NCOR1: variants seen among roughly 807,000 people sequenced by gnomAD.
NCOR1 encodes the protein protein phosphatase 1, regulatory subunit 109.
In NCOR1, 63 loss-of-function variants were observed where a neutral mutation model predicts 288.1. That is an observed-to-expected ratio of 0.22 (90% CI 0.18 to 0.27). NCOR1 has a LOEUF of 0.27. Among genes scored for constraint, NCOR1 ranks in the 10% least tolerant of loss-of-function variants. The pLI is 1.00. For missense variants in NCOR1, 2,397 were observed against 3,019.2 expected (o/e 0.79, Z 4.83); for synonymous variants, 1,007 against 1,065.9 (o/e 0.94, Z 1.08).
At chr17:16,039,830 A>G (rs4792716) in intron 43 of NCOR1, 176 bp from the exon 44 acceptor site, 319,185 of 583,132 alleles carry the variant, frequency 0.55, 91,456 homozygotes, top group African/African-American at 0.72. Context: ...TCTCTGTCGC[A>G]CCCAGGCTGG....
intron 31 of NCOR1, among the ~76,000 whole-genome samples, chr17:16,069,178 TCAAA>T (rs1431355981): frequency 6.6e-6 from 1 of 152,144 alleles, no homozygotes; most frequent in African/African-American, 2.4e-5. Context: ...TTTACCACAA[TCAAA>T]CAAATCTGCC....
chr17:16,147,067 A>G (rs2078103875), intron 9 of NCOR1, among the ~76,000 whole-genome samples: 1 of 152,182 alleles, frequency 6.6e-6, no homozygotes, highest in African/African-American at 2.4e-5. Context: ...TATAACAAAC[A>G]TTTTGACAGT....
At chr17:16,050,207 C>T (rs550847173) in intron 40 of NCOR1, among the ~76,000 whole-genome samples, 14 of 151,882 alleles carry the variant, frequency 9.2e-5, no homozygotes, top group African/African-American at 2.7e-4. Context: ...ACAAGCACCT[C>T]GCCCCACCAC....
chr17:16,213,057 C>CA lies in NCOR1; in HGVS notation c.-71+2304dup, dbSNP rs34419344. ...GCCTGGGCAAAAGAGACCCTGTCTCCAAAAAAAAAAAAAAAAAGCTTTAAA... is the reference window on the plus strand; with the variant it reads ...GCCTGGGCAAAAGAGACCCTGTCTCCAAAAAAAAAAAAAAAAAAGCTTTAAA... On this transcript the variant is annotated intron_variant, in intron 1 of 45. Coordinates refer to ENST00000268712, the MANE Select transcript of NCOR1 (RefSeq NM_006311.4). Among the ~76,000 whole-genome samples, 679 of 114,798 alleles carry CA rather than the reference C, an allele frequency of 5.9e-3. 3 individuals carry two copies. The highest frequency in any genetic ancestry group is 0.015 in the African/African-American group (443 of 29,898). The allele number at this position is 114,798 out of a possible 152,430, so 75.3% of individuals were successfully genotyped here.
intron 14 of NCOR1, among the ~76,000 whole-genome samples, chr17:16,132,791 CTTTTTT>C (rs34110444): frequency 1.5e-5 from 2 of 130,092 alleles, no homozygotes; most frequent in African/African-American, 5.8e-5. Flanking sequence ...GCAAACTACA[CTTTTTT>C]TTTTTTTTTT....
chr17:16,030,530 C>CAAAT lies in NCOR1; in HGVS notation c.*1765_*1766insATTT. On this transcript the variant is annotated 3_prime_UTR_variant, in exon 46 of 46. Coordinates refer to ENST00000268712, the MANE Select transcript of NCOR1 (RefSeq NM_006311.4). ...TTCAGCAGAAAACTGTGAAGTGGAA[C>CAAAT]ATTTAGTCACTGTTTTTCATTCATT... The CAAAT allele has an allele frequency of 5.2e-6, 1 of 192,792 alleles. No homozygotes were observed. Among genetic ancestry groups the CAAAT allele is most frequent in the Non-Finnish European group, 1.1e-5 (1 of 92,540 alleles). 11.9% of individuals were successfully genotyped at this position (192,792 alleles called of 1,614,324 possible).
At chr17:16,128,182 C>T (rs2075047947) in intron 14 of NCOR1, among the ~76,000 whole-genome samples, 1 of 152,214 alleles carries the variant, frequency 6.6e-6, no homozygotes, top group African/African-American at 2.4e-5. Flanking sequence ...CACCTCCCTC[C>T]AATCACCATC....
rs2153269369 is a variant in NCOR1, at chr17:16,139,129, C to T, written c.1231G>A (p.Glu411Lys). 1 of 1,613,800 alleles carries T rather than the reference C, an allele frequency of 6.2e-7. No homozygotes were observed. Among genetic ancestry groups the T allele is most frequent in the Non-Finnish European group, 8.5e-7 (1 of 1,179,858 alleles). ...SVIPPMMFDA[E>K]QRRVKFINMN... ...TTAATGAACTTGACTCGTCTTTGTT[C>T]TGCATCAAACATCATAGGTGGAATC... The change falls in exon 12 of 46, where the codon GAA (glutamate) becomes AAA (lysine). Residue 411 changes from glutamate (E) to lysine (K), a missense_variant. Glu to Lys is a moderately conservative substitution (Grantham distance 56). Coordinates refer to ENST00000268712, the MANE Select transcript of NCOR1 (RefSeq NM_006311.4).
At chr17:16,102,464 TTTAA>T (rs2067809345) in intron 19 of NCOR1, among the ~76,000 whole-genome samples, 1 of 152,204 alleles carries the variant, frequency 6.6e-6, no homozygotes, top group Non-Finnish European at 1.5e-5. Context: ...GTAGAATTTA[TTTAA>T]TTAACCCAGT....
chr17:16,171,362 T>C (rs1040970456), intron 4 of NCOR1, among the ~76,000 whole-genome samples: 4 of 152,190 alleles, frequency 2.6e-5, no homozygotes, highest in Non-Finnish European at 5.9e-5. Context: ...TTCTTTTGTA[T>C]AGAACTTATA....
At chr17:16,153,996 A>G (rs1047453899) in intron 6 of NCOR1, among the ~76,000 whole-genome samples, 1 of 122,116 alleles carries the variant, frequency 8.2e-6, no homozygotes, top group Non-Finnish European at 1.8e-5. Context: ...AATTATATGT[A>G]TTTGTAATAT....
chr17:16,183,578 T>C (rs1451544554), intron 3 of NCOR1, among the ~76,000 whole-genome samples: 3 of 152,026 alleles, frequency 2.0e-5, no homozygotes, highest in African/African-American at 7.2e-5. Context: ...AAACACTGAT[T>C]AAAAAACTGA....
chr17:16,064,300 A>T (rs2060877051), intron 34 of NCOR1, 113 bp from the exon 35 acceptor site: 2 of 1,394,972 alleles, frequency 1.4e-6, no homozygotes, highest in African/African-American at 2.9e-5. Context: ...CAAATTTGGG[A>T]TATAAGAAGT....
At chr17:16,208,915 A>G (rs758656141) in intron 1 of NCOR1, among the ~76,000 whole-genome samples, 22 of 152,222 alleles carry the variant, frequency 1.4e-4, no homozygotes, top group Non-Finnish European at 2.5e-4. Context: ...TGAAATTTCT[A>G]CATGTTTTTT....
chr17:16,055,971 C>T (rs1016567658), intron 40 of NCOR1, among the ~76,000 whole-genome samples: 13 of 152,156 alleles, frequency 8.5e-5, no homozygotes, highest in East Asian at 5.8e-4. Flanking sequence ...AAACAAAACT[C>T]GTCATACACT....
chr17:16,213,901 G>A (rs2092352477), intron 1 of NCOR1, among the ~76,000 whole-genome samples: 1 of 152,156 alleles, frequency 6.6e-6, no homozygotes, highest in South Asian at 2.1e-4. Context: ...GAGTATTTTA[G>A]TATTGTAAGT....
intron 40 of NCOR1, among the ~76,000 whole-genome samples, chr17:16,050,674 CT>C (rs200382132): frequency 2.0e-4 from 30 of 151,362 alleles, no homozygotes; most frequent in Non-Finnish European, 8.9e-5. Context: ...AAGATAGCCA[CT>C]TTTTTTTTAA....
chr17:16,043,903 T>C (rs4435297), intron 42 of NCOR1, among the ~76,000 whole-genome samples: 87,922 of 152,028 alleles, frequency 0.58, 26,010 homozygotes, highest in African/African-American at 0.66. Flanking sequence ...GATACAGTGG[T>C]TCACGCCTGT....
intron 45 of NCOR1, among the ~76,000 whole-genome samples, chr17:16,033,581 CATATTT>C (rs1972987943): frequency 1.3e-5 from 2 of 152,038 alleles, no homozygotes; most frequent in South Asian, 4.1e-4. Context: ...TTTTCAGTGA[CATATTT>C]GTATTTAATC....
Sources: gnomAD v4.1 joint callset for allele counts (sites outside exome capture counted in the v4.1 genomes callset) on GRCh38, gnomAD v4.1.1 for gene constraint, MANE v1.5 for transcripts, NCBI Gene and HGNC (gene_info 2026-07-23, HGNC 2026-07-21) for gene names.